ATP6V0A2: variants seen among roughly 807,000 people sequenced by gnomAD.
The protein encoded by ATP6V0A2 is V-type proton ATPase 116 kDa subunit a 2.
A neutral mutation model predicts 104.4 loss-of-function variants in ATP6V0A2; 58 were observed. The observed-to-expected ratio is 0.56, with a 90% CI of 0.45 to 0.69. The LOEUF (loss-of-function observed/expected upper bound fraction) is 0.69, where lower values mean the gene tolerates loss of function less well. Ranked by LOEUF, ATP6V0A2 falls within the 30% of genes least tolerant of loss-of-function variation. ATP6V0A2 has a pLI of 0.00. For missense variants in ATP6V0A2, 938 were observed against 1,062.9 expected (o/e 0.88, Z 1.63); for synonymous variants, 376 against 397.9 (o/e 0.95, Z 0.65).
At chr12:123,751,874 T>TG (rs1417678448) in intron 16 of ATP6V0A2, among the ~76,000 whole-genome samples, 1 of 149,444 alleles carries the variant, frequency 6.7e-6, no homozygotes, top group Non-Finnish European at 1.5e-5. Context: ...TTTTTTTTTT[T>TG]TTTGAGACTG....
rs200768640 is a variant in ATP6V0A2 at position 123,744,925 on chromosome 12, A to T, written c.1558A>T (p.Ser520Cys). 1.2e-5 allele frequency: 19 copies of T among 1,614,060 alleles called. No homozygotes were observed. Among genetic ancestry groups the T allele is most frequent in the Non-Finnish European group, 1.5e-5 (18 of 1,180,042 alleles). The change falls in exon 13 of 20, where the codon AGC (serine) becomes TGC (cysteine). Residue 520 changes from serine (S) to cysteine (C), a missense_variant. Ser to Cys is a moderately radical substitution (Grantham distance 112). Coordinates refer to ENST00000330342, the MANE Select transcript of ATP6V0A2 (RefSeq NM_012463.4). The surrounding 1 kb of genome is among the most constrained non-coding windows in gnomAD (Gnocchi z 5.4). ...RHNSILQLDP[S>C]IPGVFRGPYP... is the part of the protein sequence containing the mutation. ...CAACAGCATTTTGCAGCTGGATCCA[A>T]GCATTCCTGGAGTGTTCCGAGGCCC...
chr12:123,729,322 G>GTTTTTTTTT (rs71308012), intron 6 of ATP6V0A2, among the ~76,000 whole-genome samples: 1 of 113,890 alleles, frequency 8.8e-6, no homozygotes, highest in African/African-American at 3.4e-5. Context: ...CAAGGAGGCT[G>GTTTTTTTTT]TTTTTTTTTT....
chr12:123,757,469 C>T (rs1205214533), intron 19 of ATP6V0A2, among the ~76,000 whole-genome samples: 1 of 152,022 alleles, frequency 6.6e-6, no homozygotes, highest in Non-Finnish European at 1.5e-5. Context: ...TGATTCTGAA[C>T]TATTATCACT....
chr12:123,718,802 A>G, intron 2 of ATP6V0A2, 101 bp downstream of exon 2: 1 of 810,252 alleles, frequency 1.2e-6, no homozygotes, highest in Non-Finnish European at 2.0e-6. Flanking sequence ...GCAGAAAGGA[A>G]AAAAAGAAAT....
chr12:123,732,090 A>G (rs1329897760), intron 6 of ATP6V0A2: 1 of 152,218 alleles, frequency 6.6e-6, no homozygotes, highest in African/African-American at 2.4e-5. Context: ...GCTTTTGCCT[A>G]AAACTGAACA....
At chr12:123,748,405 G>A (rs1956682874) in intron 14 of ATP6V0A2, among the ~76,000 whole-genome samples, 170 bp from the exon 15 acceptor site, 2 of 152,220 alleles carry the variant, frequency 1.3e-5, no homozygotes, top group African/African-American at 4.8e-5. Context: ...CCGACCTCAC[G>A]TCTCTTCCTC....
chr12:123,752,252 G>A (rs759929357), intron 16 of ATP6V0A2, 31 bp from the exon 17 acceptor site: 11 of 1,613,800 alleles, frequency 6.8e-6, no homozygotes, highest in Non-Finnish European at 4.2e-6. Flanking sequence ...TGGTTTTACA[G>A]GCACTGACTC....
intron 3 of ATP6V0A2, chr12:123,723,491 C>G (rs1956419659): frequency 6.9e-6 from 1 of 144,558 alleles, no homozygotes; most frequent in African/African-American, 2.6e-5. Context: ...GAGTCTTGCT[C>G]TGTCGCCCAG....
At chr12:123,757,614 G>A (rs559486257) in intron 19 of ATP6V0A2, among the ~76,000 whole-genome samples, 29 of 152,266 alleles carry the variant, frequency 1.9e-4, no homozygotes, top group Non-Finnish European at 3.7e-4. Context: ...GTTTTATGGT[G>A]TAGGTCAGAT....
intron 1 of ATP6V0A2, among the ~76,000 whole-genome samples, chr12:123,715,120 A>C (rs1268240064): frequency 6.6e-6 from 1 of 152,216 alleles, no homozygotes; most frequent in Non-Finnish European, 1.5e-5. Flanking sequence ...ATGGTGGTGT[A>C]TGTATGTGAA....
intron 9 of ATP6V0A2, among the ~76,000 whole-genome samples, chr12:123,739,652 C>T (rs1956589420): frequency 6.6e-6 from 1 of 152,226 alleles, no homozygotes; most frequent in Non-Finnish European, 1.5e-5. Flanking sequence ...GCCTGAAGCT[C>T]ATTCCCTAGA....
At position 123,761,387 on chromosome 12, in the gene ATP6V0A2, G is replaced by A. The variant is rs1000717505; in HGVS notation, c.*3355G>A. On this transcript the variant is annotated 3_prime_UTR_variant, in exon 20 of 20. Transcript: ENST00000330342. ...ATTCCTCTATTAAAAACGTAAAGCC[G>A]GGTTTGCTTGCGTGCCACAGGGAAT... 1 of 152,186 alleles carries A rather than the reference G, an allele frequency of 6.6e-6. No individual in the cohort carries two copies. The highest frequency in any genetic ancestry group is 2.4e-5 in the African/African-American group (1 of 41,426). The allele number at this position is 152,186 out of a possible 1,614,324, so 9.4% of individuals were successfully genotyped here.
chr12:123,751,862 C>CTTTT (rs34862238), intron 16 of ATP6V0A2, among the ~76,000 whole-genome samples: 45 of 123,426 alleles, frequency 3.6e-4, no homozygotes, highest in African/African-American at 5.1e-4. Context: ...TTCTTTCTTT[C>CTTTT]TTTTTTTTTT....
At chr12:123,712,934 C>T (rs1198384062) in intron 1 of ATP6V0A2, among the ~76,000 whole-genome samples, 3 of 152,084 alleles carry the variant, frequency 2.0e-5, no homozygotes, top group Non-Finnish European at 4.4e-5. Context: ...GTGTGGTCTT[C>T]ATCAGCTCCG....
intron 1 of ATP6V0A2, among the ~76,000 whole-genome samples, chr12:123,716,657 G>A (rs910352891): frequency 4.6e-5 from 7 of 151,962 alleles, no homozygotes; most frequent in African/African-American, 1.7e-4. Flanking sequence ...CGGGTGTGGT[G>A]GCACGTGCCT....
At chr12:123,753,448 C>T (rs1052589697) in intron 17 of ATP6V0A2, among the ~76,000 whole-genome samples, 2 of 152,242 alleles carry the variant, frequency 1.3e-5, no homozygotes, top group Non-Finnish European at 2.9e-5. Context: ...CTGAGGCCTC[C>T]CTGCTCAGCT....
At chr12:123,736,944 G>A (rs1956559978) in intron 8 of ATP6V0A2, 115 bp from the exon 9 acceptor site, 1 of 1,019,580 alleles carries the variant, frequency 9.8e-7, no homozygotes, top group Admixed American at 1.8e-5. Flanking sequence ...ATAGGCAGGT[G>A]CCTGGAATGA....
In ATP6V0A2 at chr12:123,743,158, C is replaced by T. The variant is rs572325018; in HGVS notation, c.1039-627C>T. Reference sequence around the variant, plus strand: ...GAGCCGACTCCATACCCACGTGCCCCGCATTCCCCAGCCCCCATTCACTTC... The same window carrying T: ...GAGCCGACTCCATACCCACGTGCCCTGCATTCCCCAGCCCCCATTCACTTC... On this transcript the variant is annotated intron_variant, in intron 9 of 19. Coordinates refer to ENST00000330342, the MANE Select transcript of ATP6V0A2 (RefSeq NM_012463.4). Among the ~76,000 whole-genome samples, 60 of 152,296 alleles carry T rather than the reference C, an allele frequency of 3.9e-4. No individual in the cohort carries two copies. The East Asian group carries it at 5.6e-3, about 14-fold the overall frequency.
At chr12:123,747,571 A>G (rs1333730235) in intron 13 of ATP6V0A2, 36 bp from the exon 14 acceptor site, 1 of 1,393,308 alleles carries the variant, frequency 7.2e-7, no homozygotes. Context: ...GAAGGAAGTT[A>G]AAGATTCTGT....
Sources: gnomAD v4.1 joint callset for allele counts (sites outside exome capture counted in the v4.1 genomes callset) on GRCh38, gnomAD v4.1.1 for gene constraint, Gnocchi (gnomAD v3.1) non-coding constraint, MANE v1.5 for transcripts, NCBI Gene and HGNC (gene_info 2026-07-23, HGNC 2026-07-21) for gene names.